H1-0: variants seen among roughly 807,000 people sequenced by gnomAD.
H1-0 encodes the protein H1.0 linker histone, also known as histone H1.0.
In H1-0, 5 loss-of-function variants were observed where a neutral mutation model predicts 8.8. The observed-to-expected ratio is 0.57, with a 90% confidence interval of 0.30 to 1.19. The LOEUF is 1.19. Ranked by LOEUF, H1-0 falls within the 50% of genes most tolerant of loss-of-function variation. The probability of loss-of-function intolerance (pLI) is 0.08; values close to 1 mark genes in which losing one functional copy is unlikely to be tolerated. For synonymous variants in H1-0, 143 were observed against 101.4 expected (o/e 1.41, Z -2.46); for missense variants, 231 against 242.0 (o/e 0.95, Z 0.30).
In H1-0 at chr22:37,805,588, G is replaced by A. The variant is rs1920979312; in HGVS notation, c.44G>A (p.Arg15Gln). Residue 15 changes from arginine (R) to glutamine (Q), a missense_variant, in exon 1 of 1, where the codon CGG becomes CAG. Arg to Gln is a conservative substitution (Grantham distance 43). Transcript: ENST00000340857. ...TCCGCCCCTGCGGCCAAGCCCAAGC[G>A]GGCCAAGGCCTCCAAGAAGTCCACA... is the stretch of plus-strand genomic sequence containing the variant. ...STSAPAAKPK[R>Q]AKASKKSTDH... 1.2e-6 allele frequency: 2 copies of A among 1,613,544 alleles called. No individual in the cohort carries two copies. The highest frequency in any genetic ancestry group is 8.5e-7 in the Non-Finnish European group (1 of 1,179,740).
Position 37,805,741 on chromosome 22 carries a change from C to G in H1-0, c.197C>G (p.Ser66Trp). Residue 66 changes from serine (S) to tryptophan (W), a missense_variant, in exon 1 of 1, where the codon TCG becomes TGG. By Grantham distance (177) the Ser-to-Trp change is radical. Coordinates refer to ENST00000340857, the MANE Select transcript of H1-0 (RefSeq NM_005318.4). ...SHYKVGENAD[S>W]QIKLSIKRLV... ...TACAAGGTGGGTGAGAACGCTGACTCGCAGATCAAGTTGTCCATCAAGCGC... is the reference window on the plus strand; with the variant it reads ...TACAAGGTGGGTGAGAACGCTGACTGGCAGATCAAGTTGTCCATCAAGCGC... The G allele has an allele frequency of 6.2e-7, 1 of 1,614,066 alleles. No individual in the cohort carries two copies. Among genetic ancestry groups the G allele is most frequent in the South Asian group, 1.1e-5 (1 of 91,074 alleles).
chr22:37,805,349 G>A lies in H1-0; in HGVS notation c.-196G>A, dbSNP rs1224093970. On this transcript the variant is annotated 5_prime_UTR_variant, in exon 1 of 1. Coordinates refer to ENST00000340857, the MANE Select transcript of H1-0 (RefSeq NM_005318.4). The stretch of plus-strand genomic sequence containing the variant: ...CGGCGGGGCTGGGCCTCGCAAAGCC[G>A]GCTCGGCGAGCTCTCCCGACACCCG... 3 of 537,682 alleles carry A rather than the reference G, an allele frequency of 5.6e-6. No homozygotes were observed. The highest frequency in any genetic ancestry group is 7.1e-5 in the Admixed American group (2 of 28,364). The allele number at this position is 537,682 out of a possible 1,614,324, so 33.3% of individuals were successfully genotyped here.
rs1266989509 is a variant in H1-0 at position 37,806,220 on chromosome 22, C to T, written c.*91C>T. On this transcript the variant is annotated 3_prime_UTR_variant, in exon 1 of 1. Coordinates refer to ENST00000340857, the MANE Select transcript of H1-0 (RefSeq NM_005318.4). ...TTTTCTCTCTTGATGCTCACCACCA[C>T]CTTTTGCCCCCTTCTGTTCTGACTT... 1.5e-5 allele frequency: 14 copies of T among 904,384 alleles called. No homozygotes were observed. Among genetic ancestry groups the T allele is most frequent in the Non-Finnish European group, 2.2e-5 (13 of 595,804 alleles). 56.0% of individuals were successfully genotyped at this position (904,384 alleles called of 1,614,324 possible). A position where few individuals can be genotyped will look rare whatever the true frequency, so the allele number is the denominator to read the frequency against.
rs756755757 is a variant in H1-0, at chr22:37,805,519, T to G, written c.-26T>G. ...AGGGCTGGCCCTTTGGAAGGCGCCT[T>G]CAACAGCCGGACCAGACAGGCCACC... is the stretch of plus-strand genomic sequence containing the variant. On this transcript the variant is annotated 5_prime_UTR_variant, in exon 1 of 1. Coordinates refer to ENST00000340857, the MANE Select transcript of H1-0 (RefSeq NM_005318.4). 1 of 1,573,710 alleles carries G rather than the reference T, an allele frequency of 6.4e-7. No individual in the cohort carries two copies.
At position 37,805,967 on chromosome 22, in the gene H1-0, C is replaced by A. The variant is rs370894514; in HGVS notation, c.423C>A (p.Thr141=). 2.5e-6 allele frequency: 4 copies of A among 1,613,992 alleles called. No individual in the cohort carries two copies. The change falls in exon 1 of 1, where the codon ACC becomes ACA. Residue 141 remains threonine, a synonymous_variant. Coordinates refer to ENST00000340857, the MANE Select transcript of H1-0 (RefSeq NM_005318.4). ...CCCCAACCAAGAAACCCAAAGCCAC[C>A]CCGGTCAAGAAGGCCAAGAAGAAGC... ...SKAPTKKPKA[T]PVKKAKKKLA...
Position 37,805,655 on chromosome 22 carries a change from G to A in H1-0, c.111G>A (p.Gln37=), listed in dbSNP as rs750096729. 1 of 1,614,130 alleles carries A rather than the reference G, an allele frequency of 6.2e-7. No homozygotes were observed. The change falls in exon 1 of 1, where the codon CAG becomes CAA. Residue 37 remains glutamine, a synonymous_variant. Transcript: ENST00000340857. ...KYSDMIVAAI[Q]AEKNRAGSSR... is the part of the protein sequence containing the mutation. ...CAGACATGATCGTGGCTGCCATCCA[G>A]GCCGAGAAGAACCGCGCTGGCTCCT...
rs1874359644 is a variant in H1-0, at chr22:37,805,927, A to G, written c.383A>G (p.Lys128Arg). The G allele has an allele frequency of 6.2e-7, 1 of 1,614,144 alleles. No homozygotes were observed. The highest frequency in any genetic ancestry group is 8.5e-7 in the Non-Finnish European group (1 of 1,180,034). The change falls in exon 1 of 1, where the codon AAG (lysine) becomes AGG (arginine). Residue 128 changes from lysine (K) to arginine (R), a missense_variant. By Grantham distance (26) the Lys-to-Arg change is conservative. Transcript: ENST00000340857. ...ATPKKASKPK[K>R]AASKAPTKKP... ...CCAAAGAAGGCATCCAAGCCCAAGA[A>G]GGCTGCCTCCAAAGCCCCAACCAAG...
In H1-0 at chr22:37,805,798, A is replaced by G. The variant is rs1443519756; in HGVS notation, c.254A>G (p.Lys85Arg). Residue 85 changes from lysine (K) to arginine (R), a missense_variant, in exon 1 of 1, where the codon AAA becomes AGA. Transcript: ENST00000340857. ...ACCACCGGTGTCCTCAAGCAGACCA[A>G]AGGGGTGGGGGCCTCGGGGTCCTTC... is the stretch of plus-strand genomic sequence containing the variant. ...LVTTGVLKQT[K>R]GVGASGSFRL... 1.2e-6 allele frequency: 2 copies of G among 1,614,018 alleles called. No individual in the cohort carries two copies. Among genetic ancestry groups the G allele is most frequent in the East Asian group, 2.2e-5 (1 of 44,886 alleles).
chr22:37,806,752 G>A lies in H1-0; in HGVS notation c.*623G>A, dbSNP rs1340424017. ...GCTTTCGGCCTCCCTATTTTCTTAG[G>A]GAAGGGGAGTGGGGTCCAAGTGACA... On this transcript the variant is annotated 3_prime_UTR_variant, in exon 1 of 1. Coordinates refer to ENST00000340857, the MANE Select transcript of H1-0 (RefSeq NM_005318.4). 6.0e-6 allele frequency: 1 copy of A among 167,556 alleles called. No homozygotes were observed. The highest frequency in any genetic ancestry group is 1.5e-5 in the Non-Finnish European group (1 of 68,528). The allele number at this position is 167,556 out of a possible 1,614,324, so 10.4% of individuals were successfully genotyped here. A position where few individuals can be genotyped will look rare whatever the true frequency, so the allele number is the denominator to read the frequency against.
In H1-0 at chr22:37,805,582, C is replaced by G; in HGVS notation, c.38C>G (p.Pro13Arg). 6.2e-7 allele frequency: 1 copy of G among 1,613,800 alleles called. No homozygotes were observed. Among genetic ancestry groups the G allele is most frequent in the Non-Finnish European group, 8.5e-7 (1 of 1,179,798 alleles). Reference sequence around the variant, plus strand: ...TCCACGTCCGCCCCTGCGGCCAAGCCCAAGCGGGCCAAGGCCTCCAAGAAG... The same window carrying G: ...TCCACGTCCGCCCCTGCGGCCAAGCGCAAGCGGGCCAAGGCCTCCAAGAAG... ...ENSTSAPAAK[P>R]KRAKASKKST... Residue 13 changes from proline (P) to arginine (R), a missense_variant, in exon 1 of 1, where the codon CCC becomes CGC. Pro to Arg is a moderately radical substitution (Grantham distance 103). Coordinates refer to ENST00000340857, the MANE Select transcript of H1-0 (RefSeq NM_005318.4).
rs1456061934 is a variant in H1-0, at chr22:37,805,799, A to G, written c.255A>G (p.Lys85=). The stretch of plus-strand genomic sequence containing the variant: ...CCACCGGTGTCCTCAAGCAGACCAA[A>G]GGGGTGGGGGCCTCGGGGTCCTTCC... The part of the protein sequence containing the change: ...LVTTGVLKQT[K]GVGASGSFRL... Residue 85 remains lysine, a synonymous_variant, in exon 1 of 1, where the codon AAA becomes AAG. Coordinates refer to ENST00000340857, the MANE Select transcript of H1-0 (RefSeq NM_005318.4). The G allele has an allele frequency of 6.2e-7, 1 of 1,614,008 alleles. No homozygotes were observed. The highest frequency in any genetic ancestry group is 8.5e-7 in the Non-Finnish European group (1 of 1,179,994).
chr22:37,806,237 T>G lies in H1-0; in HGVS notation c.*108T>G. The G allele has an allele frequency of 1.2e-6, 1 of 801,572 alleles. No individual in the cohort carries two copies. The highest frequency in any genetic ancestry group is 2.0e-6 in the Non-Finnish European group (1 of 505,728). The allele number at this position is 801,572 out of a possible 1,614,324, so 49.7% of individuals were successfully genotyped here. On this transcript the variant is annotated 3_prime_UTR_variant, in exon 1 of 1. Coordinates refer to ENST00000340857, the MANE Select transcript of H1-0 (RefSeq NM_005318.4). ...CACCACCACCTTTTGCCCCCTTCTG[T>G]TCTGACTTTATAAGAGACAGGATTT...
Position 37,806,218 on chromosome 22 carries a change from C to T in H1-0, c.*89C>T, listed in dbSNP as rs898770276. 2.1e-6 allele frequency: 2 copies of T among 950,290 alleles called. No homozygotes were observed. The highest frequency in any genetic ancestry group is 3.3e-5 in the African/African-American group (2 of 60,180). 58.9% of individuals were successfully genotyped at this position (950,290 alleles called of 1,614,324 possible). A position where few individuals can be genotyped will look rare whatever the true frequency, so the allele number is the denominator to read the frequency against. Reference sequence around the variant, plus strand: ...TTTTTTCTCTCTTGATGCTCACCACCACCTTTTGCCCCCTTCTGTTCTGAC... The same window carrying T: ...TTTTTTCTCTCTTGATGCTCACCACTACCTTTTGCCCCCTTCTGTTCTGAC... On this transcript the variant is annotated 3_prime_UTR_variant, in exon 1 of 1. Transcript: ENST00000340857.
rs768151082 is a variant in H1-0 at position 37,806,142 on chromosome 22, T to C, written c.*13T>C. The C allele has an allele frequency of 3.2e-6, 5 of 1,586,722 alleles. No individual in the cohort carries two copies. The Admixed American group carries it at 8.9e-5, about 28-fold the overall frequency. Reference sequence around the variant, plus strand: ...CAAGAAGAAGTGACAATGAAGTCTTTTCTTGCGGACACTCCCTCCTGTCTC... The same window carrying C: ...CAAGAAGAAGTGACAATGAAGTCTTCTCTTGCGGACACTCCCTCCTGTCTC... On this transcript the variant is annotated 3_prime_UTR_variant, in exon 1 of 1. Coordinates refer to ENST00000340857, the MANE Select transcript of H1-0 (RefSeq NM_005318.4).
Position 37,805,447 on chromosome 22 carries a change from G to A in H1-0, c.-98G>A, listed in dbSNP as rs866885890. ...GCACTCCAGACTGGCCCGGTAGTCA[G>A]GGGCTCAGGAGCAGATCCCGAGGCA... On this transcript the variant is annotated 5_prime_UTR_variant, in exon 1 of 1. Coordinates refer to ENST00000340857, the MANE Select transcript of H1-0 (RefSeq NM_005318.4). 49 of 856,182 alleles carry A rather than the reference G, an allele frequency of 5.7e-5. No individual in the cohort carries two copies. In the Middle Eastern group the frequency reaches 7.0e-4, roughly 12 times the overall value. 53.0% of individuals were successfully genotyped at this position (856,182 alleles called of 1,614,324 possible).
In H1-0 at chr22:37,807,305, A is replaced by G. The variant is rs894159705; in HGVS notation, c.*1176A>G. 9 of 167,070 alleles carry G rather than the reference A, an allele frequency of 5.4e-5. No individual in the cohort carries two copies. The highest frequency in any genetic ancestry group is 1.5e-5 in the Non-Finnish European group (1 of 68,186). The allele number at this position is 167,070 out of a possible 1,614,324, so 10.3% of individuals were successfully genotyped here. On this transcript the variant is annotated 3_prime_UTR_variant, in exon 1 of 1. Coordinates refer to ENST00000340857, the MANE Select transcript of H1-0 (RefSeq NM_005318.4). ...AGTTGTCTTTCTCTTATTTTTAATA[A>G]AATAGAAAAATCGCGCACTTGCGCG... is the stretch of plus-strand genomic sequence containing the variant.
In H1-0 at chr22:37,805,904, A is replaced by G. The variant is rs772086546; in HGVS notation, c.360A>G (p.Pro120=). The change falls in exon 1 of 1, where the codon CCA becomes CCG. Residue 120 remains proline (P), a synonymous_variant. Transcript: ENST00000340857. ...TKKEIKKVAT[P]KKASKPKKAA... ...AGGAAATCAAGAAGGTAGCCACGCC[A>G]AAGAAGGCATCCAAGCCCAAGAAGG... 1 of 1,614,118 alleles carries G rather than the reference A, an allele frequency of 6.2e-7. No individual in the cohort carries two copies.
At position 37,806,779 on chromosome 22, in the gene H1-0, C is replaced by T. The variant is rs920111301; in HGVS notation, c.*650C>T. The stretch of plus-strand genomic sequence containing the variant: ...AAGGGGAGTGGGGTCCAAGTGACAG[C>T]TGGATGGGAGAAGCCATAGTTTCTC... On this transcript the variant is annotated 3_prime_UTR_variant, in exon 1 of 1. Coordinates refer to ENST00000340857, the MANE Select transcript of H1-0 (RefSeq NM_005318.4). 6.0e-6 allele frequency: 1 copy of T among 167,138 alleles called. No individual in the cohort carries two copies. The highest frequency in any genetic ancestry group is 2.4e-5 in the African/African-American group (1 of 41,382). The allele number at this position is 167,138 out of a possible 1,614,324, so 10.4% of individuals were successfully genotyped here.
At position 37,805,970 on chromosome 22, in the gene H1-0, G is replaced by A. The variant is rs773188254; in HGVS notation, c.426G>A (p.Pro142=). 13 of 1,613,928 alleles carry A rather than the reference G, an allele frequency of 8.1e-6. No individual in the cohort carries two copies. Among genetic ancestry groups the A allele is most frequent in the African/African-American group, 6.7e-5 (5 of 74,872 alleles). The change falls in exon 1 of 1, where the codon CCG becomes CCA. Residue 142 remains proline (P), a synonymous_variant. Coordinates refer to ENST00000340857, the MANE Select transcript of H1-0 (RefSeq NM_005318.4). ...KAPTKKPKAT[P]VKKAKKKLAA... ...CAACCAAGAAACCCAAAGCCACCCC[G>A]GTCAAGAAGGCCAAGAAGAAGCTGG...
Sources: gnomAD v4.1 joint callset for allele counts on GRCh38, gnomAD v4.1.1 for gene constraint, MANE v1.5 for transcripts, NCBI Gene and HGNC (gene_info 2026-07-23, HGNC 2026-07-21) for gene names.